Variants in CWF19L2 observed in about 807,000 individuals in gnomAD.
CWF19L2 encodes CWF19-like protein 2.
CWF19L2 carries 98 observed loss-of-function variants against 111.7 expected under a neutral mutation model. That is an observed-to-expected ratio of 0.88 (90% CI 0.75 to 1.04). CWF19L2 has a LOEUF of 1.04. CWF19L2 is among the 50% of genes least tolerant of loss of function. The pLI, the probability that CWF19L2 is intolerant of heterozygous loss-of-function variation, is 0.00. For synonymous variants in CWF19L2, 351 were observed against 342.9 expected (o/e 1.02, Z -0.26); for missense variants, 1,101 against 1,051.4 (o/e 1.05, Z -0.65).
At chr11:107,455,951 TAAAC>T (rs1479699855) in intron 1 of CWF19L2, among the ~76,000 whole-genome samples, 175 bp from the exon 2 acceptor site, 2 of 152,200 alleles carry the variant, frequency 1.3e-5, no homozygotes, top group East Asian at 1.9e-4. Flanking sequence ...AATAAATAAA[TAAAC>T]AAAACAAAGC....
chr11:107,443,670 A>T (rs1861663597), intron 3 of CWF19L2, among the ~76,000 whole-genome samples: 1 of 152,218 alleles, frequency 6.6e-6, no homozygotes, highest in Non-Finnish European at 1.5e-5. Context: ...ACCAACGTCA[A>T]GTAGTTACTC....
chr11:107,423,739 A>G (rs1011011405), intron 8 of CWF19L2, among the ~76,000 whole-genome samples: 5 of 151,930 alleles, frequency 3.3e-5, no homozygotes, highest in Non-Finnish European at 5.9e-5. Context: ...ATAATCTCCT[A>G]TTGAGCTCCA....
chr11:107,425,923 T>C (rs1861369718), intron 8 of CWF19L2, among the ~76,000 whole-genome samples: 1 of 151,984 alleles, frequency 6.6e-6, no homozygotes, highest in Non-Finnish European at 1.5e-5. Context: ...ACTTAGCCAA[T>C]ATATTTTCTA....
Position 107,455,782 on chromosome 11 carries a change from AC to A in CWF19L2, c.106-7del. ...TTTTCAAAATTGGCTTTAGCCTACA[AC>A]CAAAGAAAAAAAAAAGACAAACTGG... is the stretch of plus-strand genomic sequence containing the variant. On this transcript the variant is annotated splice_polypyrimidine_tract_variant and splice_region_variant and intron_variant, in intron 1 of 17. Coordinates refer to ENST00000282251, the MANE Select transcript of CWF19L2 (RefSeq NM_152434.3). 6.6e-7 allele frequency: 1 copy of A among 1,524,652 alleles called. No individual in the cohort carries two copies. The highest frequency in any genetic ancestry group is 2.1e-5 in the Admixed American group (1 of 47,970). 94.4% of individuals were successfully genotyped at this position (1,524,652 alleles called of 1,614,324 possible).
intron 10 of CWF19L2, among the ~76,000 whole-genome samples, chr11:107,411,713 T>C (rs1861159376): frequency 6.6e-6 from 1 of 152,192 alleles, no homozygotes; most frequent in Admixed American, 6.5e-5. Flanking sequence ...TTCCTTCCTA[T>C]GCTCTCATAC....
intron 1 of CWF19L2, among the ~76,000 whole-genome samples, 163 bp from the exon 2 acceptor site, chr11:107,455,939 A>AAAAT (rs1303381063): frequency 9.9e-5 from 15 of 152,084 alleles, no homozygotes; most frequent in Non-Finnish European, 2.1e-4. Flanking sequence ...AAAAAATAAA[A>AAAAT]AAATAAATAA....
intron 13 of CWF19L2, 76 bp from the exon 14 acceptor site, chr11:107,349,129 TTC>T: frequency 1.6e-6 from 1 of 644,714 alleles, no homozygotes; most frequent in South Asian, 3.2e-5. Flanking sequence ...ATGCTATTTA[TTC>T]TCAGTTGTAA....
chr11:107,417,153 A>C (rs1435464514), intron 9 of CWF19L2, among the ~76,000 whole-genome samples: 1 of 152,204 alleles, frequency 6.6e-6, no homozygotes, highest in African/African-American at 2.4e-5. Flanking sequence ...ACATAAGACT[A>C]CTTAAAGATC....
chr11:107,363,269 A>G (rs556978699), intron 12 of CWF19L2, among the ~76,000 whole-genome samples: 1 of 152,302 alleles, frequency 6.6e-6, no homozygotes, highest in South Asian at 2.1e-4. Context: ...ATCCAGGAGA[A>G]CTTCCCCAAT....
chr11:107,419,887 G>A (rs1273263303), intron 8 of CWF19L2, among the ~76,000 whole-genome samples: 1 of 152,010 alleles, frequency 6.6e-6, no homozygotes, highest in Non-Finnish European at 1.5e-5. Context: ...TAAAATGTAT[G>A]AGAACACTAA....
chr11:107,348,060 T>A (rs1339645589), intron 14 of CWF19L2, among the ~76,000 whole-genome samples: 1 of 152,160 alleles, frequency 6.6e-6, no homozygotes, highest in African/African-American at 2.4e-5. Flanking sequence ...TATTCTTACT[T>A]TTGCTTGGTT....
chr11:107,386,234 G>C (rs913690314), intron 12 of CWF19L2, among the ~76,000 whole-genome samples: 1 of 152,082 alleles, frequency 6.6e-6, no homozygotes, highest in African/African-American at 2.4e-5. Context: ...GACAGGTCTT[G>C]AACTCCTGGC....
Position 107,416,268 on chromosome 11 carries a change from C to G in CWF19L2, c.1558G>C (p.Glu520Gln). The change falls in exon 10 of 18, where the codon GAA becomes CAA. Residue 520 changes from glutamate (E) to glutamine (Q), a missense_variant. Transcript: ENST00000282251. ...GTTTCTTTGAATTTATTTGCCTTTT[C>G]AAGTTGAACTTTAAGTTGTTCAGCT... ...ELAEQLKVQL[E>Q]KANKFKETIT... 6.7e-7 allele frequency: 1 copy of G among 1,486,162 alleles called. No homozygotes were observed. The highest frequency in any genetic ancestry group is 9.0e-7 in the Non-Finnish European group (1 of 1,108,376). The allele number at this position is 1,486,162 out of a possible 1,614,324, so 92.1% of individuals were successfully genotyped here.
rs1198128109 is a variant in CWF19L2, at chr11:107,373,254, T to C, written c.1872+16820A>G. On this transcript the variant is annotated intron_variant, in intron 12 of 17. Transcript: ENST00000282251. ...AACAAAGCAGCCAGGAAGCTCGAACTGGGTGGAGCCCACCACAGCTCAAGG... is the reference window on the plus strand; with the variant it reads ...AACAAAGCAGCCAGGAAGCTCGAACCGGGTGGAGCCCACCACAGCTCAAGG... 4.7e-5 allele frequency among the ~76,000 whole-genome samples: 6 copies of C among 127,384 alleles called. 2 individuals carry two copies. The South Asian group carries it at 1.1e-3, about 23-fold the overall frequency. The allele number at this position is 127,384 out of a possible 152,430, so 83.6% of individuals were successfully genotyped here. A position where few individuals can be genotyped will look rare whatever the true frequency, so the allele number is the denominator to read the frequency against.
At chr11:107,348,222 T>C (rs1860108913) in intron 14 of CWF19L2, among the ~76,000 whole-genome samples, 1 of 151,958 alleles carries the variant, frequency 6.6e-6, no homozygotes, top group Non-Finnish European at 1.5e-5. Flanking sequence ...TCATCTCTTG[T>C]GCAGTGCTAA....
chr11:107,456,816 T>C (rs1199396879), intron 1 of CWF19L2, among the ~76,000 whole-genome samples: 1 of 152,174 alleles, frequency 6.6e-6, no homozygotes, highest in South Asian at 2.1e-4. Context: ...GGGCTTATGA[T>C]GGACTCCAAA....
intron 4 of CWF19L2, among the ~76,000 whole-genome samples, chr11:107,442,136 A>G (rs903444389): frequency 6.6e-6 from 1 of 152,204 alleles, no homozygotes; most frequent in Non-Finnish European, 1.5e-5. Context: ...CTTTAGGGAC[A>G]TAAGGGGAAA....
At chr11:107,430,407 G>A (rs544609523) in intron 7 of CWF19L2, among the ~76,000 whole-genome samples, 20 of 152,082 alleles carry the variant, frequency 1.3e-4, no homozygotes, top group Admixed American at 1.3e-3. Context: ...ATTCTATATA[G>A]AGAATTCAAT....
intron 15 of CWF19L2, among the ~76,000 whole-genome samples, chr11:107,336,051 C>A (rs544381216): frequency 6.6e-6 from 1 of 152,236 alleles, no homozygotes; most frequent in East Asian, 2.0e-4. Context: ...GAAACCCCAT[C>A]TCTACTAAAA....
Sources: gnomAD v4.1 joint callset for allele counts (sites outside exome capture counted in the v4.1 genomes callset) on GRCh38, gnomAD v4.1.1 for gene constraint, MANE v1.5 for transcripts, NCBI Gene and HGNC (gene_info 2026-07-23, HGNC 2026-07-21) for gene names.